Variants in SAMTOR observed in about 807,000 individuals in gnomAD.
SAMTOR encodes S-adenosylmethionine sensor upstream of mTORC1, also known as UPF0532 protein C7orf60.
At chr7:112,827,780 G>A in the SAMTOR span, among the ~76,000 whole-genome samples, 1 of 152,252 alleles carries the variant, frequency 6.6e-6, no homozygotes, top group East Asian at 1.9e-4. Context: ...GGAGTGCAGT[G>A]GCACAATCTT....
At chr7:112,899,388 GA>G in the SAMTOR span, among the ~76,000 whole-genome samples, 19 of 151,386 alleles carry the variant, frequency 1.3e-4, no homozygotes, top group Admixed American at 1.3e-4. Context: ...AATCAGGGGA[GA>G]AAAAGAAAAA....
chr7:112,935,278 A>C, the SAMTOR span: 1 of 424,734 alleles, frequency 2.4e-6, no homozygotes, highest in South Asian at 1.8e-5. Flanking sequence ...AGGAAAAAAA[A>C]TAAGAAAAGT....
chr7:112,919,581 C>G, the SAMTOR span, among the ~76,000 whole-genome samples: 2 of 152,066 alleles, frequency 1.3e-5, no homozygotes, highest in East Asian at 3.9e-4. Flanking sequence ...TAGCAGAAGG[C>G]AAGAAATAAC....
chr7:112,930,453 C>T, the SAMTOR span, among the ~76,000 whole-genome samples: 1 of 151,468 alleles, frequency 6.6e-6, no homozygotes, highest in Admixed American at 6.6e-5. Context: ...GAAGAAAACA[C>T]CACCAATATT....
At chr7:112,870,199 A>G in the SAMTOR span, among the ~76,000 whole-genome samples, 1 of 152,164 alleles carries the variant, frequency 6.6e-6, no homozygotes, top group Non-Finnish European at 1.5e-5. Context: ...AAATCCAGAG[A>G]AGTCCTGTGA....
chr7:112,879,348 A>G, the SAMTOR span, among the ~76,000 whole-genome samples: 2 of 151,968 alleles, frequency 1.3e-5, no homozygotes, highest in African/African-American at 4.8e-5. Flanking sequence ...TCCAGGACCA[A>G]CAATTAAGAG....
the SAMTOR span, among the ~76,000 whole-genome samples, chr7:112,882,342 G>T: frequency 6.6e-6 from 1 of 152,196 alleles, no homozygotes; most frequent in Non-Finnish European, 1.5e-5. Context: ...GGCACCACCA[G>T]CCATAGGAAT....
the SAMTOR span, among the ~76,000 whole-genome samples, chr7:112,824,687 G>A: frequency 6.6e-6 from 1 of 151,822 alleles, no homozygotes; most frequent in Non-Finnish European, 1.5e-5. Flanking sequence ...TATGGAGTGT[G>A]GTATGGTTTG....
chr7:112,933,859 T>C, the SAMTOR span, among the ~76,000 whole-genome samples: 2 of 152,128 alleles, frequency 1.3e-5, no homozygotes, highest in African/African-American at 2.4e-5. Flanking sequence ...AACTAACGTT[T>C]TAAGAACCAT....
the SAMTOR span, among the ~76,000 whole-genome samples, chr7:112,902,494 G>A: frequency 1.4e-5 from 2 of 143,936 alleles, no homozygotes; most frequent in Non-Finnish European, 1.5e-5. Context: ...TGGGTGAAAA[G>A]GCCGGCACAA....
the SAMTOR span, among the ~76,000 whole-genome samples, chr7:112,904,949 A>T: frequency 6.6e-6 from 1 of 152,170 alleles, no homozygotes; most frequent in African/African-American, 2.4e-5. Context: ...CCCTCTCAGG[A>T]CCAGCTAATT....
the SAMTOR span, among the ~76,000 whole-genome samples, chr7:112,938,705 T>C: frequency 3.3e-3 from 499 of 152,282 alleles, 2 homozygotes; most frequent in African/African-American, 0.011. Context: ...CAAAATCTTA[T>C]AAAACAGCTG....
chr7:112,865,737 T>TATATTTCATATATACATATATTCATAC, the SAMTOR span, among the ~76,000 whole-genome samples: 1 of 147,214 alleles, frequency 6.8e-6, no homozygotes, highest in Non-Finnish European at 1.5e-5. Flanking sequence ...TATATTCATA[T>TATATTTCATATATACATATATTCATAC]ATATTTCATA....
the SAMTOR span, among the ~76,000 whole-genome samples, chr7:112,860,863 G>C: frequency 6.1e-5 from 8 of 131,088 alleles, no homozygotes; most frequent in African/African-American, 1.2e-4. Flanking sequence ...AGTGAGCCGA[G>C]ATTATGCCAC....
the SAMTOR span, among the ~76,000 whole-genome samples, chr7:112,898,077 C>A: frequency 1.3e-5 from 2 of 152,336 alleles, no homozygotes; most frequent in South Asian, 2.1e-4. Flanking sequence ...CAGCACTGGG[C>A]AGAAATCTAC....
At chr7:112,894,793 C>T in the SAMTOR span, among the ~76,000 whole-genome samples, 1 of 152,070 alleles carries the variant, frequency 6.6e-6, no homozygotes, top group Non-Finnish European at 1.5e-5. Flanking sequence ...GGTGGGGACA[C>T]AATTAAACCA....
chr7:112,821,468 G>C, the SAMTOR span: 1 of 254,730 alleles, frequency 3.9e-6, no homozygotes, highest in African/African-American at 2.2e-5. Flanking sequence ...TTTCACAATA[G>C]CACTAAAGAG....
At chr7:112,832,460 C>T in the SAMTOR span, 1 of 718,284 alleles carries the variant, frequency 1.4e-6, no homozygotes, top group African/African-American at 1.8e-5. Context: ...TCAATGGGTA[C>T]ACAGGAAATA....
the SAMTOR span, among the ~76,000 whole-genome samples, chr7:112,923,044 A>T: frequency 6.6e-6 from 1 of 152,248 alleles, no homozygotes; most frequent in Non-Finnish European, 1.5e-5. Context: ...AAAGGGGGAA[A>T]GGTGGGGAAA....
Sources: gnomAD v4.1 joint callset for allele counts (sites outside exome capture counted in the v4.1 genomes callset) on GRCh38, gnomAD v4.1.1 for gene constraint, MANE v1.5 for transcripts, NCBI Gene and HGNC (gene_info 2026-07-23, HGNC 2026-07-21) for gene names.